The following RBM47 variants were observed in gnomAD, a reference collection of about 807,000 sequenced individuals.
The protein encoded by RBM47 is RNA-binding protein 47.
Under a neutral mutation model 47.1 loss-of-function variants are expected in RBM47, and 21 were observed. The ratio of observed to expected loss-of-function variants is 0.45; its 90% CI spans 0.32 to 0.64. RBM47 has a LOEUF of 0.64. Among genes scored for constraint, RBM47 ranks in the 30% least tolerant of loss-of-function variants. The pLI is 0.05. For missense variants in RBM47, 708 were observed against 870.9 expected (o/e 0.81, Z 2.35); for synonymous variants, 375 against 361.7 (o/e 1.04, Z -0.42).
intron 2 of RBM47, among the ~76,000 whole-genome samples, chr4:40,471,952 C>T (rs1302916678): frequency 6.6e-6 from 1 of 152,148 alleles, no homozygotes; most frequent in Non-Finnish European, 1.5e-5. Context: ...ATTCCTGCAG[C>T]CCCCTGTGAT....
intron 1 of RBM47, among the ~76,000 whole-genome samples, chr4:40,619,613 C>T (rs967234523): frequency 2.0e-5 from 3 of 152,140 alleles, no homozygotes; most frequent in South Asian, 2.1e-4. Flanking sequence ...ACATGCCAAG[C>T]GTTCCCAGCC....
At chr4:40,516,097 G>C (rs532136403) in intron 2 of RBM47, 1 of 149,968 alleles carries the variant, frequency 6.7e-6, no homozygotes, top group African/African-American at 2.5e-5. Context: ...AACATTTCTC[G>C]TCTTGCCCTC....
intron 1 of RBM47, among the ~76,000 whole-genome samples, chr4:40,586,701 G>A (rs916418350): frequency 4.0e-5 from 6 of 151,564 alleles, no homozygotes; most frequent in East Asian, 1.9e-4. Flanking sequence ...GCTGGCCAAC[G>A]AGAAGGTGGA....
chr4:40,577,310 G>C (rs76661029), intron 1 of RBM47, among the ~76,000 whole-genome samples: 1 of 152,104 alleles, frequency 6.6e-6, no homozygotes, highest in Non-Finnish European at 1.5e-5. Flanking sequence ...GCTGGTGGCC[G>C]AATCTAACAC....
At chr4:40,521,286 C>T (rs1349154645) in intron 2 of RBM47, among the ~76,000 whole-genome samples, 1 of 152,060 alleles carries the variant, frequency 6.6e-6, no homozygotes, top group Non-Finnish European at 1.5e-5. Context: ...CTGAAACCTC[C>T]ACTTCCTGGG....
intron 1 of RBM47, among the ~76,000 whole-genome samples, chr4:40,584,015 T>G (rs1326708144): frequency 6.6e-6 from 1 of 152,044 alleles, no homozygotes; most frequent in Non-Finnish European, 1.5e-5. Context: ...TCTGTCACCC[T>G]GGCTGGAGTG....
At chr4:40,517,644 A>T (rs1725737351) in intron 2 of RBM47, among the ~76,000 whole-genome samples, 1 of 152,222 alleles carries the variant, frequency 6.6e-6, no homozygotes, top group Admixed American at 6.5e-5. Flanking sequence ...GAAGTCAACC[A>T]ACCACAGATC....
At chr4:40,469,344 A>G (rs941791491) in intron 2 of RBM47, among the ~76,000 whole-genome samples, 6 of 151,988 alleles carry the variant, frequency 3.9e-5, no homozygotes, top group Non-Finnish European at 8.8e-5. Context: ...AACACAGGAC[A>G]TTTCCCCAAA....
At chr4:40,531,958 C>A (rs1188473271) in intron 2 of RBM47, among the ~76,000 whole-genome samples, 1 of 151,774 alleles carries the variant, frequency 6.6e-6, no homozygotes, top group Non-Finnish European at 1.5e-5. Context: ...TTCTGTGGGG[C>A]CTGAACTCCC....
intron 3 of RBM47, among the ~76,000 whole-genome samples, chr4:40,465,345 C>T (rs915777891): frequency 6.6e-6 from 1 of 152,096 alleles, no homozygotes; most frequent in African/African-American, 2.4e-5. Context: ...ATAGAATAAT[C>T]TCACTCACTA....
Position 40,425,708 on chromosome 4 carries a change from C to T in RBM47, c.*196G>A, listed in dbSNP as rs1714921064. The T allele has an allele frequency of 1.3e-6, 1 of 744,992 alleles. No individual in the cohort carries two copies. Among genetic ancestry groups the T allele is most frequent in the Non-Finnish European group, 2.1e-6 (1 of 486,312 alleles). The allele number at this position is 744,992 out of a possible 1,614,324, so 46.1% of individuals were successfully genotyped here. A position where few individuals can be genotyped will look rare whatever the true frequency, so the allele number is the denominator to read the frequency against. On this transcript the variant is annotated 3_prime_UTR_variant, in exon 7 of 7. Coordinates refer to ENST00000295971, the MANE Select transcript of RBM47 (RefSeq NM_001098634.2). ...TGCAAGTCTTTTGGAAATGTATGAACGTAGGCATGCTAAGTTGAAAATAGT... is the reference window on the plus strand; with the variant it reads ...TGCAAGTCTTTTGGAAATGTATGAATGTAGGCATGCTAAGTTGAAAATAGT...
intron 3 of RBM47, among the ~76,000 whole-genome samples, chr4:40,465,656 T>C (rs1377777784): frequency 6.7e-6 from 1 of 150,256 alleles, no homozygotes; most frequent in Admixed American, 6.6e-5. Context: ...TCTAGCCTGG[T>C]CGACAGAGCG....
chr4:40,598,035 T>C (rs1490995695), intron 1 of RBM47, among the ~76,000 whole-genome samples: 1 of 152,220 alleles, frequency 6.6e-6, no homozygotes, highest in East Asian at 1.9e-4. Flanking sequence ...GGGAGCTATA[T>C]TAAGTCTCCA....
intron 2 of RBM47, among the ~76,000 whole-genome samples, chr4:40,519,356 G>A (rs1341472604): frequency 1.4e-5 from 2 of 137,968 alleles, no homozygotes; most frequent in Non-Finnish European, 3.0e-5. Flanking sequence ...GGAGTGCAAT[G>A]GAACGATCTT....
chr4:40,470,749 T>C (rs1718733716), intron 2 of RBM47, among the ~76,000 whole-genome samples: 1 of 152,188 alleles, frequency 6.6e-6, no homozygotes, highest in Non-Finnish European at 1.5e-5. Context: ...TTTCTTTTCT[T>C]TATTTTTTTA....
rs879379206 is a variant in RBM47 at position 40,563,191 on chromosome 4, A to AAAAT, written c.-239-18689_-239-18686dup. 5.5e-4 allele frequency among the ~76,000 whole-genome samples: 84 copies of AAAAT among 152,286 alleles called. No individual in the cohort carries two copies. In the Middle Eastern group the frequency reaches 0.014, roughly 25 times the overall value. On this transcript the variant is annotated intron_variant, in intron 1 of 6. Transcript: ENST00000295971. ...GGGCGACAGAGCAAGACTCCATCTC[A>AAAAT]AAATAAATAAATAAATAAATAAAAT... is the stretch of plus-strand genomic sequence containing the variant.
chr4:40,569,022 GAC>G (rs1269616001), intron 1 of RBM47, among the ~76,000 whole-genome samples: 29 of 149,838 alleles, frequency 1.9e-4, no homozygotes, highest in African/African-American at 6.7e-4. Flanking sequence ...TAGATAGACA[GAC>G]AGACAGACAG....
intron 2 of RBM47, among the ~76,000 whole-genome samples, chr4:40,522,340 A>G (rs1726275877): frequency 6.6e-6 from 1 of 152,258 alleles, no homozygotes; most frequent in South Asian, 2.1e-4. Context: ...CCCTGTTTCT[A>G]CTAAAAATAC....
chr4:40,511,822 C>T (rs1475867037), intron 2 of RBM47, among the ~76,000 whole-genome samples: 1 of 151,668 alleles, frequency 6.6e-6, no homozygotes, highest in Non-Finnish European at 1.5e-5. Flanking sequence ...ATAGCCCCAG[C>T]TACTGGGGAG....
Sources: allele counts gnomAD v4.1 joint callset (sites outside exome capture counted in the v4.1 genomes callset), GRCh38; gene constraint gnomAD v4.1.1; transcripts MANE v1.5; gene names NCBI Gene and HGNC (gene_info 2026-07-23, HGNC 2026-07-21).